Variants in THSD4 observed in about 807,000 individuals in gnomAD.
The protein encoded by THSD4 is thrombospondin type-1 domain-containing protein 4.
THSD4 carries 69 observed loss-of-function variants against 119.0 expected under a neutral mutation model. The ratio of observed to expected loss-of-function variants is 0.58; its 90% confidence interval spans 0.48 to 0.71. The LOEUF (loss-of-function observed/expected upper bound fraction) is 0.71. Ranked by LOEUF, THSD4 falls within the 30% of genes least tolerant of loss-of-function variation. The pLI is 0.00. For synonymous variants in THSD4, 524 were observed against 540.4 expected (o/e 0.97, Z 0.42); for missense variants, 1,393 against 1,391.1 (o/e 1.00, Z -0.02).
intron 1 of THSD4, among the ~76,000 whole-genome samples, chr15:71,140,291 C>T (rs1306768555): frequency 1.3e-5 from 2 of 152,102 alleles, no homozygotes; most frequent in Non-Finnish European, 2.9e-5. Flanking sequence ...AGGAAGCTTT[C>T]AATCATGGTG....
intron 7 of THSD4, among the ~76,000 whole-genome samples, chr15:71,593,020 C>T (rs2140876755): frequency 6.6e-6 from 1 of 152,284 alleles, no homozygotes; most frequent in East Asian, 1.9e-4. Context: ...ACCTCAGGTT[C>T]TTTCCAGAGA....
chr15:71,576,571 T>C (rs2049451704), intron 7 of THSD4, among the ~76,000 whole-genome samples: 1 of 152,216 alleles, frequency 6.6e-6, no homozygotes, highest in Non-Finnish European at 1.5e-5. Context: ...TTTTGTTTTT[T>C]GTTAGGACAG....
chr15:71,744,042 G>T (rs1462965257), intron 11 of THSD4, among the ~76,000 whole-genome samples: 1 of 151,940 alleles, frequency 6.6e-6, no homozygotes, highest in African/African-American at 2.4e-5. Flanking sequence ...TCCCGTGGTT[G>T]GTTCAGGTTC....
chr15:71,384,904 T>G lies in THSD4; in HGVS notation c.1016-26783T>G, dbSNP rs571827575. Among the ~76,000 whole-genome samples the G allele has an allele frequency of 4.8e-4, 73 of 152,348 alleles. 1 individual carries two copies. Among genetic ancestry groups the G allele is most frequent in the African/African-American group, 1.7e-3 (72 of 41,580 alleles). ...TTTTATGTTGAATGTTGGCCTTGGC[T>G]CTCAGATCCCCTTAACCAGCTTAGC... On this transcript the variant is annotated intron_variant, in intron 6 of 17. Transcript: ENST00000261862.
chr15:71,486,089 G>A (rs1044567272), intron 7 of THSD4, among the ~76,000 whole-genome samples: 2 of 152,044 alleles, frequency 1.3e-5, no homozygotes, highest in Non-Finnish European at 2.9e-5. Context: ...GACATGTGGA[G>A]TTTTATATAT....
At chr15:71,580,811 AT>A (rs2140914117) in intron 7 of THSD4, among the ~76,000 whole-genome samples, 1 of 152,222 alleles carries the variant, frequency 6.6e-6, no homozygotes, top group East Asian at 1.9e-4. Flanking sequence ...GTTATTGCAA[AT>A]GGCAGGATTT....
intron 7 of THSD4, among the ~76,000 whole-genome samples, chr15:71,622,190 TG>T (rs1184683058): frequency 1.3e-5 from 2 of 152,242 alleles, no homozygotes; most frequent in African/African-American, 4.8e-5. Context: ...ACATGTGCCA[TG>T]AATTTGTTAC....
rs190562167 is a variant in THSD4 at position 71,253,608 on chromosome 15, T to C, written c.913-3005T>C. 4.1e-3 allele frequency among the ~76,000 whole-genome samples: 629 copies of C among 152,182 alleles called. 6 individuals carry two copies. The highest frequency in any genetic ancestry group is 8.0e-3 in the Admixed American group (123 of 15,284). On this transcript the variant is annotated intron_variant, in intron 5 of 17. Transcript: ENST00000261862. Reference sequence around the variant, plus strand: ...ATTTTTAATAGAGACAGGGTTACACTATATTGGCAGGCTGGTCTCGAAATC... The same window carrying C: ...ATTTTTAATAGAGACAGGGTTACACCATATTGGCAGGCTGGTCTCGAAATC...
At chr15:71,478,201 T>C (rs899422808) in intron 7 of THSD4, among the ~76,000 whole-genome samples, 1 of 152,194 alleles carries the variant, frequency 6.6e-6, no homozygotes, top group Non-Finnish European at 1.5e-5. Flanking sequence ...CCATGTCATA[T>C]TATAGCTTAC....
chr15:71,781,796 A>T lies in THSD4; in HGVS notation c.*4422A>T, dbSNP rs2054002262. On this transcript the variant is annotated 3_prime_UTR_variant, in exon 18 of 18. Coordinates refer to ENST00000261862, the MANE Select transcript of THSD4 (RefSeq NM_024817.3). The stretch of plus-strand genomic sequence containing the variant: ...CCAGGGATGCTGGAGAGGGGATTCA[A>T]GCATCTGGCTGGGCAACGTGATGCT... 1 of 152,368 alleles carries T rather than the reference A, an allele frequency of 6.6e-6. No homozygotes were observed. The highest frequency in any genetic ancestry group is 2.1e-4 in the South Asian group (1 of 4,836). 9.4% of individuals were successfully genotyped at this position (152,368 alleles called of 1,614,324 possible). A position where few individuals can be genotyped will look rare whatever the true frequency, so the allele number is the denominator to read the frequency against.
chr15:71,728,424 C>A, intron 8 of THSD4, 125 bp from the exon 9 acceptor site: 2 of 1,189,548 alleles, frequency 1.7e-6, no homozygotes, highest in Non-Finnish European at 2.4e-6. Context: ...TGGATCATTG[C>A]CTGGCACATA....
chr15:71,663,686 T>G (rs914077720), intron 8 of THSD4, among the ~76,000 whole-genome samples: 4 of 152,198 alleles, frequency 2.6e-5, no homozygotes, highest in Non-Finnish European at 4.4e-5. Flanking sequence ...TAGAAACCAC[T>G]ACCAGGTGTA....
chr15:71,421,931 C>T (rs950608640), intron 7 of THSD4, among the ~76,000 whole-genome samples: 1 of 152,122 alleles, frequency 6.6e-6, no homozygotes, highest in Non-Finnish European at 1.5e-5. Flanking sequence ...CTTCTTTCTG[C>T]CTGATCAGTT....
intron 6 of THSD4, among the ~76,000 whole-genome samples, chr15:71,363,421 G>A (rs2045919460): frequency 6.6e-6 from 1 of 152,130 alleles, no homozygotes; most frequent in Non-Finnish European, 1.5e-5. Flanking sequence ...ACTGCTCCTG[G>A]TGTGCATGTG....
intron 8 of THSD4, among the ~76,000 whole-genome samples, chr15:71,674,842 G>A (rs193179136): frequency 3.4e-4 from 52 of 152,198 alleles, no homozygotes; most frequent in South Asian, 6.2e-4. Flanking sequence ...TGCACAGGGC[G>A]GCTCCCACAG....
At chr15:71,749,807 C>A (rs1429574374) in intron 14 of THSD4, among the ~76,000 whole-genome samples, 1 of 151,146 alleles carries the variant, frequency 6.6e-6, no homozygotes, top group African/African-American at 2.4e-5. Context: ...GCAGCCTCGA[C>A]CTGCTGGGAT....
chr15:71,414,567 A>G (rs2046733726), intron 7 of THSD4, among the ~76,000 whole-genome samples: 2 of 152,228 alleles, frequency 1.3e-5, no homozygotes, highest in Admixed American at 1.3e-4. Flanking sequence ...AGAGCCAGAA[A>G]TATAAATATA....
At position 71,661,133 on chromosome 15, in the gene THSD4, C is replaced by T. The variant is rs376978483; in HGVS notation, c.1357+399C>T. On this transcript the variant is annotated intron_variant, in intron 8 of 17. Coordinates refer to ENST00000261862, the MANE Select transcript of THSD4 (RefSeq NM_024817.3). ...ATTGATCCTATCTATACCTTCACTC[C>T]CTGGAGGTCTAAAGCGAAGCCATTT... 5.3e-5 allele frequency among the ~76,000 whole-genome samples: 8 copies of T among 152,204 alleles called. No homozygotes were observed. In the South Asian group the frequency reaches 1.2e-3, roughly 24 times the overall value.
chr15:71,650,719 C>G (rs926520646), intron 7 of THSD4, among the ~76,000 whole-genome samples: 4 of 152,188 alleles, frequency 2.6e-5, no homozygotes, highest in African/African-American at 9.6e-5. Context: ...TAGGACACTT[C>G]CTGTTTACAG....
Sources: gnomAD v4.1 joint callset for allele counts (sites outside exome capture counted in the v4.1 genomes callset) on GRCh38, gnomAD v4.1.1 for gene constraint, MANE v1.5 for transcripts, NCBI Gene and HGNC (gene_info 2026-07-23, HGNC 2026-07-21) for gene names.